The following METAP2 variants were observed in gnomAD, a reference collection of about 807,000 sequenced individuals.
The protein encoded by METAP2 is methionyl aminopeptidase 2.
Under a neutral mutation model 59.4 loss-of-function variants are expected in METAP2, and 25 were observed. The ratio of observed to expected loss-of-function variants is 0.42; its 90% CI spans 0.31 to 0.59. The LOEUF (loss-of-function observed/expected upper bound fraction) is 0.59, where lower values mean the gene tolerates loss of function less well. Among genes scored for constraint, METAP2 ranks in the 20% least tolerant of loss-of-function variants. METAP2 has a pLI of 0.16. For synonymous variants in METAP2, 214 were observed against 194.1 expected (o/e 1.10, Z -0.85); for missense variants, 366 against 581.2 (o/e 0.63, Z 3.81).
chr12:95,493,990 T>C, intron 4 of METAP2, 66 bp from the exon 5 acceptor site: 2 of 1,342,110 alleles, frequency 1.5e-6, no homozygotes, highest in Non-Finnish European at 2.1e-6. Flanking sequence ...TTACTTAGTA[T>C]AGTTGTCAGC....
chr12:95,508,036 C>G (rs112275506), intron 8 of METAP2, among the ~76,000 whole-genome samples: 2 of 151,492 alleles, frequency 1.3e-5, no homozygotes, highest in African/African-American at 2.4e-5. Context: ...CCTGCCTCGG[C>G]CTCCCAAAGT....
chr12:95,514,056 C>A lies in METAP2; in HGVS notation c.*152C>A. ...AAAAAAGAAGGAATTTGGACAAAGG[C>A]AAACCGTCTAATGTAATTAACCAAC... On this transcript the variant is annotated 3_prime_UTR_variant, in exon 11 of 11. Coordinates refer to ENST00000323666, the MANE Select transcript of METAP2 (RefSeq NM_006838.4). 3.2e-6 allele frequency: 3 copies of A among 938,456 alleles called. No homozygotes were observed. Among genetic ancestry groups the A allele is most frequent in the Non-Finnish European group, 4.5e-6 (3 of 660,482 alleles). 58.1% of individuals were successfully genotyped at this position (938,456 alleles called of 1,614,324 possible).
At chr12:95,483,458 A>G in intron 3 of METAP2, 178 bp downstream of exon 3, 1 of 310,594 alleles carries the variant, frequency 3.2e-6, no homozygotes, top group Non-Finnish European at 5.9e-6. Context: ...CCTGGGCAAC[A>G]GAGTGAGACT....
intron 4 of METAP2, among the ~76,000 whole-genome samples, chr12:95,493,851 T>C (rs546110638): frequency 3.3e-5 from 5 of 152,390 alleles, no homozygotes; most frequent in South Asian, 4.1e-4. Flanking sequence ...AGGGTTTTTT[T>C]CCCTCCCTTA....
chr12:95,505,185 CTT>C (rs1451046258), intron 8 of METAP2, among the ~76,000 whole-genome samples: 1 of 152,196 alleles, frequency 6.6e-6, no homozygotes, highest in African/African-American at 2.4e-5. Flanking sequence ...ATTCAGCATT[CTT>C]TGCATTTCCT....
intron 1 of METAP2, 112 bp from the exon 2 acceptor site, chr12:95,475,959 C>G: frequency 1.6e-6 from 1 of 622,830 alleles, no homozygotes. Flanking sequence ...AATAATGTTT[C>G]TGTTTTTGTT....
At chr12:95,507,888 C>T (rs1023790937) in intron 8 of METAP2, among the ~76,000 whole-genome samples, 10 of 151,416 alleles carry the variant, frequency 6.6e-5, no homozygotes, top group South Asian at 2.1e-4. Flanking sequence ...AAGCAGTTCT[C>T]CTGCCTCAGC....
chr12:95,493,232 T>G lies in METAP2; in HGVS notation c.429-824T>G, dbSNP rs542186811. Among the ~76,000 whole-genome samples the G allele has an allele frequency of 2.6e-5, 4 of 152,306 alleles. No individual in the cohort carries two copies. The East Asian group carries it at 7.7e-4, about 29-fold the overall frequency. On this transcript the variant is annotated intron_variant, in intron 4 of 10. Coordinates refer to ENST00000323666, the MANE Select transcript of METAP2 (RefSeq NM_006838.4). ...GGCTCACGCCTGTAATCCCAGCCAC[T>G]CAGGAGGCTGAGACAGGGGGATCAC... is the stretch of plus-strand genomic sequence containing the variant.
chr12:95,476,514 A>AAAAGAAAGAAAGAAAGAAAGAAAGAAAG lies in METAP2; in HGVS notation c.259+363_259+364insGAAAGAAAGAAAGAAAGAAAGAAAGAAA, dbSNP rs373561404. 6.0e-4 allele frequency among the ~76,000 whole-genome samples: 85 copies of AAAAGAAAGAAAGAAAGAAAGAAAGAAAG among 140,974 alleles called. 2 individuals are homozygous for AAAAGAAAGAAAGAAAGAAAGAAAGAAAG. The highest frequency in any genetic ancestry group is 2.2e-3 in the African/African-American group (81 of 36,100). The allele number at this position is 140,974 out of a possible 152,430, so 92.5% of individuals were successfully genotyped here. ...CCAGCAGAGTAAGACTGTCTCAAAA[A>AAAAGAAAGAAAGAAAGAAAGAAAGAAAG]AAAGAAAGAAAGAAAGAAAGAAAGA... On this transcript the variant is annotated intron_variant, in intron 2 of 10. Coordinates refer to ENST00000323666, the MANE Select transcript of METAP2 (RefSeq NM_006838.4).
At chr12:95,513,047 GA>G (rs373779339) in intron 10 of METAP2, 131 bp downstream of exon 10, 113 of 305,324 alleles carry the variant, frequency 3.7e-4, no homozygotes, top group South Asian at 1.0e-3. Context: ...CCAACAATAA[GA>G]AAAAAAAATA....
At chr12:95,511,735 C>T (rs544729188) in intron 8 of METAP2, among the ~76,000 whole-genome samples, 160 bp from the exon 9 acceptor site, 1 of 152,230 alleles carries the variant, frequency 6.6e-6, no homozygotes, top group African/African-American at 2.4e-5. Flanking sequence ...TTATATTCCA[C>T]TAGATTCCAG....
chr12:95,513,591 A>G, intron 10 of METAP2, 61 bp from the exon 11 acceptor site: 3 of 1,553,500 alleles, frequency 1.9e-6, no homozygotes, highest in East Asian at 2.2e-5. Flanking sequence ...GCTTTTCTTA[A>G]TGAGGGAAAT....
At chr12:95,482,032 T>G (rs2076162033) in intron 2 of METAP2, 1 of 373,956 alleles carries the variant, frequency 2.7e-6, no homozygotes, top group Non-Finnish European at 5.4e-6. Context: ...TGAATTAGAT[T>G]ATAATTTTTC....
intron 7 of METAP2, among the ~76,000 whole-genome samples, chr12:95,499,406 G>T (rs1416593590): frequency 6.6e-6 from 1 of 152,112 alleles, no homozygotes; most frequent in Non-Finnish European, 1.5e-5. Context: ...CTCCCAGAGT[G>T]CTGGGATTAC....
intron 7 of METAP2, among the ~76,000 whole-genome samples, chr12:95,498,879 A>G (rs2076295384): frequency 1.3e-5 from 2 of 151,930 alleles, no homozygotes; most frequent in African/African-American, 4.8e-5. Flanking sequence ...GCCAGGTGTG[A>G]TGGTGCACCC....
chr12:95,504,893 C>T (rs534633011), intron 8 of METAP2, among the ~76,000 whole-genome samples: 24 of 152,258 alleles, frequency 1.6e-4, no homozygotes, highest in South Asian at 1.0e-3. Flanking sequence ...CTAGTCTTTA[C>T]CAGTGACTAC....
chr12:95,483,614 ATTAT>A (rs1488139031), intron 3 of METAP2: 4 of 176,064 alleles, frequency 2.3e-5, no homozygotes, highest in African/African-American at 7.1e-5. Flanking sequence ...GAAACTAATA[ATTAT>A]TTATTAGTTT....
In METAP2 at chr12:95,476,173, A is replaced by G; in HGVS notation, c.254A>G (p.Asp85Gly). 4 of 1,579,932 alleles carry G rather than the reference A, an allele frequency of 2.5e-6. No individual in the cohort carries two copies. Among genetic ancestry groups the G allele is most frequent in the South Asian group, 2.3e-5 (2 of 88,260 alleles). ...GAAGATAAAGAAAGAGATGAAGATG[A>G]TGAAGGTAAATGGTTAATTTGATCT... ...ALEDKERDED[D>G]EDGDGDGDGA... The change falls in exon 2 of 11, where the codon GAT (aspartate) becomes GGT (glycine). Residue 85 changes from aspartate to glycine, a missense_variant. By Grantham distance (94) the Asp-to-Gly change is moderately conservative. Around this residue, in one of 4 missense-constraint regions of METAP2, gnomAD observed 177 missense variants for 180.3 expected, o/e 0.98. Coordinates refer to ENST00000323666, the MANE Select transcript of METAP2 (RefSeq NM_006838.4).
intron 4 of METAP2, among the ~76,000 whole-genome samples, chr12:95,488,734 G>A (rs561862514): frequency 6.6e-6 from 1 of 152,080 alleles, no homozygotes; most frequent in South Asian, 2.1e-4. Context: ...GTCACATGCT[G>A]TATTCCCATG....
Sources: allele counts gnomAD v4.1 joint callset (sites outside exome capture counted in the v4.1 genomes callset), GRCh38; gene constraint gnomAD v4.1.1; regional missense constraint gnomAD v4.1.1; transcripts MANE v1.5; gene names NCBI Gene and HGNC (gene_info 2026-07-23, HGNC 2026-07-21).